Variants in APBA2 observed in about 807,000 individuals in gnomAD.
APBA2 encodes the protein amyloid beta precursor protein binding family A member 2, also known as amyloid-beta A4 precursor protein-binding family A member 2.
In APBA2, 30 loss-of-function variants were observed where a neutral mutation model predicts 75.0. The ratio of observed to expected loss-of-function variants is 0.40; its 90% CI spans 0.30 to 0.54. APBA2 has a LOEUF of 0.54. Ranked by LOEUF, APBA2 falls within the 20% of genes least tolerant of loss-of-function variation. The probability of loss-of-function intolerance (pLI) is 0.49; values close to 1 mark genes in which losing one functional copy is unlikely to be tolerated. For synonymous variants in APBA2, 444 were observed against 409.6 expected, an observed-to-expected ratio of 1.08 and a Z score of -1.01; for missense variants, 801 against 1,016.1, an observed-to-expected ratio of 0.79 and a Z score of 2.88.
intron 3 of APBA2, among the ~76,000 whole-genome samples, chr15:29,031,210 T>G (rs897608211): frequency 6.6e-6 from 1 of 152,160 alleles, no homozygotes; most frequent in African/African-American, 2.4e-5. Flanking sequence ...AATCTGAAAA[T>G]CTATGTTTTT....
intron 2 of APBA2, among the ~76,000 whole-genome samples, chr15:28,925,331 T>G (rs541179115): frequency 3.5e-4 from 53 of 152,358 alleles, no homozygotes; most frequent in African/African-American, 1.3e-3. Context: ...GGCAGTGGTA[T>G]GTCATTTTCT....
intron 6 of APBA2, among the ~76,000 whole-genome samples, chr15:29,076,626 G>A (rs1454749122): frequency 6.6e-6 from 1 of 152,142 alleles, no homozygotes; most frequent in South Asian, 2.1e-4. Context: ...TGGAGACCTT[G>A]CAGGGCCCCT....
chr15:28,974,354 G>T (rs891768535), intron 2 of APBA2, among the ~76,000 whole-genome samples: 22 of 152,170 alleles, frequency 1.4e-4, no homozygotes, highest in Non-Finnish European at 2.6e-4. Flanking sequence ...CCACAGGGGC[G>T]GTGGGGAGAC....
chr15:28,913,735 G>A (rs2033539903), intron 1 of APBA2, among the ~76,000 whole-genome samples: 1 of 152,332 alleles, frequency 6.6e-6, no homozygotes, highest in African/African-American at 2.4e-5. Flanking sequence ...TAGAACGTTA[G>A]CACTTATTTA....
chr15:29,008,747 A>G (rs2039255857), intron 3 of APBA2, among the ~76,000 whole-genome samples: 1 of 152,190 alleles, frequency 6.6e-6, no homozygotes, highest in African/African-American at 2.4e-5. Flanking sequence ...ATAAAAGCAC[A>G]GAGCCAGTCA....
intron 4 of APBA2, among the ~76,000 whole-genome samples, chr15:29,068,785 G>A (rs1484093361): frequency 6.6e-6 from 1 of 152,170 alleles, no homozygotes; most frequent in Non-Finnish European, 1.5e-5. Flanking sequence ...TTAGGTGAAG[G>A]GGCTCTCACA....
At chr15:29,058,457 G>A (rs554221129) in intron 4 of APBA2, among the ~76,000 whole-genome samples, 44 of 152,180 alleles carry the variant, frequency 2.9e-4, no homozygotes, top group African/African-American at 1.1e-3. Flanking sequence ...GCTGCAGTGA[G>A]CCGAGATAGC....
At chr15:29,114,380 C>T (rs1280057459) in intron 14 of APBA2, among the ~76,000 whole-genome samples, 2 of 152,220 alleles carry the variant, frequency 1.3e-5, no homozygotes, top group Non-Finnish European at 2.9e-5. Flanking sequence ...GCTGCTTGCC[C>T]TGTCCCACTT....
intron 2 of APBA2, among the ~76,000 whole-genome samples, chr15:28,973,688 A>G (rs2037189307): frequency 6.6e-6 from 1 of 152,238 alleles, no homozygotes; most frequent in Non-Finnish European, 1.5e-5. Context: ...AGGTAGGGAT[A>G]AGTATGGAGG....
At chr15:29,075,470 C>T (rs2059985751) in intron 5 of APBA2, among the ~76,000 whole-genome samples, 1 of 152,124 alleles carries the variant, frequency 6.6e-6, no homozygotes, top group Non-Finnish European at 1.5e-5. Flanking sequence ...GTACCTACCC[C>T]ATCCCCATCC....
intron 2 of APBA2, among the ~76,000 whole-genome samples, chr15:28,964,645 G>A (rs1017628480): frequency 1.3e-5 from 2 of 151,624 alleles, no homozygotes; most frequent in Admixed American, 1.3e-4. Flanking sequence ...CTGCCACCAC[G>A]CCTGGCTAAT....
intron 2 of APBA2, among the ~76,000 whole-genome samples, chr15:28,961,112 G>A (rs935970760): frequency 6.6e-6 from 1 of 152,088 alleles, no homozygotes; most frequent in African/African-American, 2.4e-5. Flanking sequence ...AGTCACACCG[G>A]GAAGTGATTC....
At position 29,055,517 on chromosome 15, in the gene APBA2, A is replaced by G. The variant is rs377194536; in HGVS notation, c.951+682A>G. Reference sequence around the variant, plus strand: ...AAACACATTTGAAAAGCCACCTTCCAAAAAAAGCCTCACTGTGAGTATATA... The same window carrying G: ...AAACACATTTGAAAAGCCACCTTCCGAAAAAAGCCTCACTGTGAGTATATA... On this transcript the variant is annotated intron_variant, in intron 4 of 14. Coordinates refer to ENST00000683413, the MANE Select transcript of APBA2 (RefSeq NM_001353788.2). Among the ~76,000 whole-genome samples, 35 of 152,300 alleles carry G rather than the reference A, an allele frequency of 2.3e-4. No homozygotes were observed. In the South Asian group the frequency reaches 6.6e-3, roughly 29 times the overall value.
chr15:29,075,444 A>G (rs1301702245), intron 5 of APBA2, among the ~76,000 whole-genome samples: 1 of 152,134 alleles, frequency 6.6e-6, no homozygotes, highest in African/African-American at 2.4e-5. Context: ...CCGTGGCCTC[A>G]ACCCACTAGA....
chr15:28,921,809 G>C (rs1172632595), intron 2 of APBA2, 60 bp downstream of exon 2: 1 of 152,152 alleles, frequency 6.6e-6, no homozygotes, highest in African/African-American at 2.4e-5. Flanking sequence ...AATGAGTCTG[G>C]GCTGATGTGC....
At chr15:29,030,387 G>C (rs1320129761) in intron 3 of APBA2, among the ~76,000 whole-genome samples, 1 of 151,978 alleles carries the variant, frequency 6.6e-6, no homozygotes, top group African/African-American at 2.4e-5. Flanking sequence ...GCGTGAACCC[G>C]GGAGGCGGAG....
chr15:29,011,457 A>G (rs2152815554), intron 3 of APBA2, among the ~76,000 whole-genome samples: 1 of 135,630 alleles, frequency 7.4e-6, no homozygotes, highest in South Asian at 2.3e-4. Flanking sequence ...TTTGTTATTT[A>G]TTTCTAGCTT....
At chr15:29,084,388 A>G (rs1367865223) in intron 6 of APBA2, among the ~76,000 whole-genome samples, 2 of 152,194 alleles carry the variant, frequency 1.3e-5, no homozygotes, top group East Asian at 3.8e-4. Context: ...TGTCATAAAA[A>G]CTTCAAGCAT....
At chr15:28,948,507 C>T (rs1595538364) in intron 2 of APBA2, among the ~76,000 whole-genome samples, 1 of 152,138 alleles carries the variant, frequency 6.6e-6, no homozygotes. Flanking sequence ...GTGATGGGGA[C>T]ACGCCTGTTG....
Sources: allele counts gnomAD v4.1 joint callset (sites outside exome capture counted in the v4.1 genomes callset), GRCh38; gene constraint gnomAD v4.1.1; transcripts MANE v1.5; gene names NCBI Gene and HGNC (gene_info 2026-07-23, HGNC 2026-07-21).